The following DLG2 variants were observed in gnomAD, a reference collection of about 807,000 sequenced individuals.
DLG2 encodes discs large MAGUK scaffold protein 2.
DLG2 carries 45 observed loss-of-function variants against 132.5 expected under a neutral mutation model. The ratio of observed to expected loss-of-function variants is 0.34; its 90% confidence interval spans 0.27 to 0.44. The LOEUF is 0.44. Ranked by LOEUF, DLG2 falls within the 20% of genes least tolerant of loss-of-function variation. The pLI, the probability that DLG2 is intolerant of heterozygous loss-of-function variation, is 1.00. For missense variants in DLG2, 1,045 were observed against 1,196.9 expected, an observed-to-expected ratio of 0.87 and a Z score of 1.87; for synonymous variants, 424 against 419.6, an observed-to-expected ratio of 1.01 and a Z score of -0.13.
intron 18 of DLG2, among the ~76,000 whole-genome samples, chr11:83,661,418 C>A (rs1195667792): frequency 6.6e-6 from 1 of 152,018 alleles, no homozygotes; most frequent in Non-Finnish European, 1.5e-5. Flanking sequence ...ATTGAAATAA[C>A]AAAGGAAATA....
chr11:85,494,966 C>T (rs1159209718), intron 3 of DLG2, among the ~76,000 whole-genome samples: 1 of 151,900 alleles, frequency 6.6e-6, no homozygotes, highest in Non-Finnish European at 1.5e-5. Context: ...AGGCCTCATT[C>T]ATGGATTTTA....
intron 5 of DLG2, among the ~76,000 whole-genome samples, chr11:85,121,598 CATG>C (rs1247850796): frequency 6.6e-6 from 1 of 151,950 alleles, no homozygotes; most frequent in Non-Finnish European, 1.5e-5. Flanking sequence ...CAATTATGAT[CATG>C]ATAATTTGGT....
intron 7 of DLG2, among the ~76,000 whole-genome samples, chr11:84,437,045 T>C (rs2099002911): frequency 6.6e-6 from 1 of 152,066 alleles, no homozygotes; most frequent in South Asian, 2.1e-4. Flanking sequence ...CAGCAACAAG[T>C]TTACTAGAGA....
chr11:84,347,593 G>A (rs1003022943), intron 7 of DLG2, among the ~76,000 whole-genome samples: 1 of 152,186 alleles, frequency 6.6e-6, no homozygotes, highest in African/African-American at 2.4e-5. Flanking sequence ...CTGTGACATG[G>A]AGGAAAAATC....
At chr11:85,279,488 G>A (rs1226897763) in intron 4 of DLG2, among the ~76,000 whole-genome samples, 1 of 152,030 alleles carries the variant, frequency 6.6e-6, no homozygotes, top group Non-Finnish European at 1.5e-5. Flanking sequence ...AAGTTAACTG[G>A]TAGCTAAAGC....
chr11:83,987,439 T>TC (rs1320398146), intron 11 of DLG2, among the ~76,000 whole-genome samples: 1 of 152,122 alleles, frequency 6.6e-6, no homozygotes, highest in African/African-American at 2.4e-5. Context: ...CTACCTGACT[T>TC]CAAGCTATAC....
At chr11:85,064,809 C>A (rs2064658560) in intron 6 of DLG2, among the ~76,000 whole-genome samples, 1 of 151,504 alleles carries the variant, frequency 6.6e-6, no homozygotes, top group African/African-American at 2.4e-5. Flanking sequence ...GACTGAGGAT[C>A]CCCAAAGAAG....
intron 4 of DLG2, among the ~76,000 whole-genome samples, chr11:85,211,810 A>G (rs1157535183): frequency 6.6e-6 from 1 of 152,140 alleles, no homozygotes; most frequent in Non-Finnish European, 1.5e-5. Flanking sequence ...AGCAGTTACC[A>G]AAAGTGTAAT....
intron 6 of DLG2, among the ~76,000 whole-genome samples, chr11:85,078,304 G>A (rs1021591627): frequency 4.0e-5 from 6 of 151,078 alleles, no homozygotes; most frequent in Admixed American, 6.7e-5. Flanking sequence ...GGTTATTGAG[G>A]AAGGCTCTAC....
intron 17 of DLG2, chr11:83,790,129 G>A: frequency 1.1e-6 from 1 of 872,350 alleles, no homozygotes. Flanking sequence ...GTCTGACAAG[G>A]TAAGTTGCAG....
chr11:85,317,754 T>C lies in DLG2; in HGVS notation c.41-32389A>G, dbSNP rs189679940. ...AGGGAGCAAGATACACTGGGGCCTA[T>C]TGGAGGATGAAGGGTAGGAGGAGGG... is the stretch of plus-strand genomic sequence containing the variant. On this transcript the variant is annotated intron_variant, in intron 3 of 27. Transcript: ENST00000376104. Among the ~76,000 whole-genome samples the C allele has an allele frequency of 3.6e-3, 551 of 151,900 alleles. 2 individuals carry two copies. Among genetic ancestry groups the C allele is most frequent in the Non-Finnish European group, 6.6e-3 (448 of 67,814 alleles).
intron 7 of DLG2, among the ~76,000 whole-genome samples, chr11:84,502,272 T>G (rs1208331838): frequency 2.0e-5 from 1 of 50,200 alleles, no homozygotes; most frequent in Non-Finnish European, 3.5e-5. Context: ...CCTTCCTTCC[T>G]TCCTTCCTTC....
intron 4 of DLG2, among the ~76,000 whole-genome samples, chr11:85,272,036 A>G (rs1424310747): frequency 1.3e-5 from 2 of 152,158 alleles, no homozygotes; most frequent in Admixed American, 6.5e-5. Flanking sequence ...TTCCCACTCA[A>G]ATCTCATCTT....
chr11:84,824,112 C>T (rs1459745259), intron 6 of DLG2, among the ~76,000 whole-genome samples: 1 of 151,872 alleles, frequency 6.6e-6, no homozygotes, highest in Non-Finnish European at 1.5e-5. Context: ...GTCCCTCTCA[C>T]CAATAGCAAA....
rs541647447 is a variant in DLG2, at chr11:84,656,353, T to C, written c.358-121622A>G. 9.2e-5 allele frequency among the ~76,000 whole-genome samples: 14 copies of C among 152,266 alleles called. No individual in the cohort carries two copies. In the South Asian group the frequency reaches 2.7e-3, roughly 29 times the overall value. On this transcript the variant is annotated intron_variant, in intron 6 of 27. Coordinates refer to ENST00000376104, the MANE Select transcript of DLG2 (RefSeq NM_001142699.3). Reference sequence around the variant, plus strand: ...TGAGCCATGGAAACAAAAATCACCATATAAAACATAGGTCTGCTTGCTAAA... The same window carrying C: ...TGAGCCATGGAAACAAAAATCACCACATAAAACATAGGTCTGCTTGCTAAA...
At chr11:84,927,845 T>A (rs1465172802) in intron 6 of DLG2, among the ~76,000 whole-genome samples, 1 of 151,984 alleles carries the variant, frequency 6.6e-6, no homozygotes, top group African/African-American at 2.4e-5. Flanking sequence ...TTGGGCTAGG[T>A]GCATCAGTGT....
At chr11:84,076,540 C>A (rs4944464) in intron 10 of DLG2, among the ~76,000 whole-genome samples, 1 of 152,098 alleles carries the variant, frequency 6.6e-6, no homozygotes, top group Non-Finnish European at 1.5e-5. Context: ...ATAACAGAAA[C>A]AAAAATTAGT....
At chr11:84,141,472 C>G (rs755641296) in intron 9 of DLG2, among the ~76,000 whole-genome samples, 41 of 152,038 alleles carry the variant, frequency 2.7e-4, no homozygotes, top group African/African-American at 8.2e-4. Flanking sequence ...AACACACACT[C>G]TCAGGAGGAA....
intron 15 of DLG2, among the ~76,000 whole-genome samples, chr11:83,899,068 G>A (rs953312940): frequency 1.3e-5 from 2 of 150,920 alleles, no homozygotes; most frequent in Admixed American, 6.6e-5. Context: ...TGCATACAGT[G>A]AATGAGGATA....
Sources: gnomAD v4.1 joint callset for allele counts (sites outside exome capture counted in the v4.1 genomes callset) on GRCh38, gnomAD v4.1.1 for gene constraint, MANE v1.5 for transcripts, NCBI Gene and HGNC (gene_info 2026-07-23, HGNC 2026-07-21) for gene names.